Variants in ELP2 observed in about 807,000 individuals in gnomAD.
ELP2 encodes elongator acetyltransferase complex subunit 2.
Under a neutral mutation model 119.2 loss-of-function variants are expected in ELP2, and 90 were observed. The observed-to-expected ratio is 0.75, with a 90% CI of 0.64 to 0.90. The LOEUF is 0.90. ELP2 is among the 40% of genes least tolerant of loss of function. The pLI, the probability that ELP2 is intolerant of heterozygous loss-of-function variation, is 0.00. For missense variants in ELP2, 921 were observed against 967.8 expected (o/e 0.95, Z 0.64); for synonymous variants, 339 against 331.0 (o/e 1.02, Z -0.26).
chr18:36,156,926 G>A (rs1424744135), intron 13 of ELP2, among the ~76,000 whole-genome samples: 1 of 152,088 alleles, frequency 6.6e-6, no homozygotes, highest in African/African-American at 2.4e-5. Flanking sequence ...ACTGTGTTAG[G>A]TACCTAGAAT....
rs1598861100 is a variant in ELP2, at chr18:36,179,449, C to T, written c.*4808C>T. On this transcript the variant is annotated 3_prime_UTR_variant, in exon 22 of 22. Transcript: ENST00000358232. Reference sequence around the variant, plus strand: ...CGAGATCGAGCCACTGCACTCCAGCCTGGGCAACAGAGTGAGACTCCATCT... The same window carrying T: ...CGAGATCGAGCCACTGCACTCCAGCTTGGGCAACAGAGTGAGACTCCATCT... 1 of 141,370 alleles carries T rather than the reference C, an allele frequency of 7.1e-6. No individual in the cohort carries two copies. Among genetic ancestry groups the T allele is most frequent in the South Asian group, 2.3e-4 (1 of 4,334 alleles). The allele number at this position is 141,370 out of a possible 1,614,324, so 8.8% of individuals were successfully genotyped here. A position where few individuals can be genotyped will look rare whatever the true frequency, so the allele number is the denominator to read the frequency against.
Position 36,160,977 on chromosome 18 carries a change from A to G in ELP2, c.1734A>G (p.Ser578=). The part of the protein sequence containing the change: ...YEIFCVTCNS[S]KTLLASACKA... Reference sequence around the variant, plus strand: ...TATTTTGTGTTACTTGTAACAGTTCAAAGACTCTGCTTGCCTCAGCTTGTA... The same window carrying G: ...TATTTTGTGTTACTTGTAACAGTTCGAAGACTCTGCTTGCCTCAGCTTGTA... The change falls in exon 17 of 22, where the codon TCA becomes TCG. Residue 578 remains serine, a synonymous_variant. Coordinates refer to ENST00000358232, the MANE Select transcript of ELP2 (RefSeq NM_018255.4). 2 of 1,613,766 alleles carry G rather than the reference A, an allele frequency of 1.2e-6. No homozygotes were observed. Among genetic ancestry groups the G allele is most frequent in the Non-Finnish European group, 1.7e-6 (2 of 1,179,750 alleles).
At chr18:36,156,710 A>T (rs1247866981) in intron 13 of ELP2, 56 bp downstream of exon 13, 2 of 1,530,386 alleles carry the variant, frequency 1.3e-6, no homozygotes, top group African/African-American at 2.7e-5. Context: ...TTAAATTTAA[A>T]AGGATTTTTG....
chr18:36,167,630 G>A (rs562218176), intron 19 of ELP2, among the ~76,000 whole-genome samples: 1 of 152,008 alleles, frequency 6.6e-6, no homozygotes, highest in East Asian at 1.9e-4. Flanking sequence ...TTCATTTGGT[G>A]CTAGAAGTGG....
intron 17 of ELP2, among the ~76,000 whole-genome samples, chr18:36,163,275 G>GTGTGT (rs1555644860): frequency 0.068 from 9,914 of 145,390 alleles, 358 homozygotes; most frequent in Middle Eastern, 0.11. Flanking sequence ...GTTCATGGGG[G>GTGTGT]GTGTGTGTGT....
chr18:36,147,713 G>A (rs1236195337), intron 11 of ELP2, among the ~76,000 whole-genome samples: 6 of 152,090 alleles, frequency 3.9e-5, no homozygotes, highest in Admixed American at 2.0e-4. Flanking sequence ...GTGAGCCACC[G>A]CACCTGGTCT....
chr18:36,166,681 T>C (rs1228335172), intron 18 of ELP2, among the ~76,000 whole-genome samples: 1 of 152,206 alleles, frequency 6.6e-6, no homozygotes, highest in Non-Finnish European at 1.5e-5. Context: ...AGAACTTCCC[T>C]TACACTTAAA....
At position 36,170,102 on chromosome 18, in the gene ELP2, A is replaced by G; in HGVS notation, c.2116A>G (p.Ile706Val). The change falls in exon 20 of 22, where the codon ATT becomes GTT. Residue 706 changes from isoleucine to valine, a missense_variant. By Grantham distance (29) the Ile-to-Val change is conservative (BLOSUM62 3). Transcript: ENST00000358232. ...WGECDSTDDC[I>V]EHNIGPCSSV... ...TGAGTGCGACTCCACTGATGACTGT[A>G]TTGAGCACAACATTGGCCCCTGCTC... The G allele has an allele frequency of 6.2e-7, 1 of 1,614,112 alleles. No individual in the cohort carries two copies. The highest frequency in any genetic ancestry group is 8.5e-7 in the Non-Finnish European group (1 of 1,180,024).
At chr18:36,160,299 G>A (rs2090695475) in intron 16 of ELP2, among the ~76,000 whole-genome samples, 1 of 151,958 alleles carries the variant, frequency 6.6e-6, no homozygotes, top group Non-Finnish European at 1.5e-5. Flanking sequence ...ACTTGGCTGG[G>A]TACAGTGGCT....
intron 1 of ELP2, among the ~76,000 whole-genome samples, chr18:36,132,706 G>T (rs1320141770): frequency 2.0e-5 from 3 of 152,166 alleles, no homozygotes; most frequent in Non-Finnish European, 4.4e-5. Context: ...AGTAGTTGTG[G>T]CCTTGTGACA....
Position 36,138,817 on chromosome 18 carries a change from C to T in ELP2, c.468C>T (p.Asn156=). The T allele has an allele frequency of 6.2e-7, 1 of 1,613,896 alleles. No individual in the cohort carries two copies. The part of the protein sequence containing the change: ...GPEVMCLQTL[N]FGNGFALALC... ...TAGTAATGTGCCTTCAGACTTTAAACTTTGGAAATGGATTTGCTTTGGCTC... is the reference window on the plus strand; with the variant it reads ...TAGTAATGTGCCTTCAGACTTTAAATTTTGGAAATGGATTTGCTTTGGCTC... The change falls in exon 5 of 22, where the codon AAC becomes AAT. Residue 156 remains asparagine (N), a synonymous_variant. Coordinates refer to ENST00000358232, the MANE Select transcript of ELP2 (RefSeq NM_018255.4).
chr18:36,160,948 G>A lies in ELP2; in HGVS notation c.1705G>A (p.Glu569Lys). The A allele has an allele frequency of 6.2e-7, 1 of 1,612,900 alleles. No homozygotes were observed. The highest frequency in any genetic ancestry group is 8.5e-7 in the Non-Finnish European group (1 of 1,178,998). Residue 569 changes from glutamate (E) to lysine (K), a missense_variant, in exon 17 of 22, where the codon GAA becomes AAA. Coordinates refer to ENST00000358232, the MANE Select transcript of ELP2 (RefSeq NM_018255.4). ...AAATTTTAGATATGGGCACGGTTAT[G>A]AAATATTTTGTGTTACTTGTAACAG... Reference protein sequence around the residue: ...EVQKLYGHGYEIFCVTCNSSK... With the variant: ...EVQKLYGHGYKIFCVTCNSSK...
At chr18:36,151,617 T>C (rs1353883700) in intron 11 of ELP2, among the ~76,000 whole-genome samples, 1 of 151,904 alleles carries the variant, frequency 6.6e-6, no homozygotes, top group Non-Finnish European at 1.5e-5. Context: ...GAGACAAGCC[T>C]GGGCAACATG....
chr18:36,135,064 A>G (rs1243679449), intron 2 of ELP2, among the ~76,000 whole-genome samples: 2 of 152,232 alleles, frequency 1.3e-5, no homozygotes, highest in South Asian at 2.1e-4. Flanking sequence ...GCCTGTTAGT[A>G]TGGATAATAA....
Position 36,167,333 on chromosome 18 carries a change from A to C in ELP2, c.2076+111A>C, listed in dbSNP as rs553458675. The C allele has an allele frequency of 5.1e-5, 40 of 787,262 alleles. No individual in the cohort carries two copies. The South Asian group carries it at 7.7e-4, about 15-fold the overall frequency. The allele number at this position is 787,262 out of a possible 1,614,324, so 48.8% of individuals were successfully genotyped here. On this transcript the variant is annotated intron_variant, in intron 19 of 21. Transcript: ENST00000358232. The stretch of plus-strand genomic sequence containing the variant: ...CTTTCTGTTACAGCTTTTAAAAATC[A>C]GCTATGTATTCCTTTCTGTTTTTCG...
At chr18:36,133,736 A>AT (rs10535065) in intron 2 of ELP2, among the ~76,000 whole-genome samples, 15 of 146,318 alleles carry the variant, frequency 1.0e-4, no homozygotes, top group South Asian at 4.2e-4. Flanking sequence ...TTATTTATTT[A>AT]TTTTTTTTTT....
chr18:36,163,275 G>GGTGTGTGTGTGTGTGT (rs59728775), intron 17 of ELP2, among the ~76,000 whole-genome samples: 40 of 145,478 alleles, frequency 2.7e-4, no homozygotes, highest in East Asian at 1.6e-3. Context: ...GTTCATGGGG[G>GGTGTGTGTGTGTGTGT]GTGTGTGTGT....
intron 9 of ELP2, 122 bp downstream of exon 9, chr18:36,145,156 AAGTT>A: frequency 1.3e-6 from 1 of 775,386 alleles, no homozygotes; most frequent in Non-Finnish European, 2.3e-6. Context: ...TGACATTTTC[AAGTT>A]GACAAAGTAT....
chr18:36,131,234 C>A (rs1001457719), intron 1 of ELP2, among the ~76,000 whole-genome samples: 1 of 152,202 alleles, frequency 6.6e-6, no homozygotes, highest in Non-Finnish European at 1.5e-5. Context: ...TATTTGTAAC[C>A]ACATTACCCC....
Sources: allele counts gnomAD v4.1 joint callset (sites outside exome capture counted in the v4.1 genomes callset), GRCh38; gene constraint gnomAD v4.1.1; transcripts MANE v1.5; gene names NCBI Gene and HGNC (gene_info 2026-07-23, HGNC 2026-07-21).